ARHGAP32: variants seen among roughly 807,000 people sequenced by gnomAD.
The protein encoded by ARHGAP32 is rho GTPase-activating protein 32.
A neutral mutation model predicts 186.5 loss-of-function variants in ARHGAP32; 51 were observed. The ratio of observed to expected loss-of-function variants is 0.27; its 90% CI spans 0.22 to 0.35. The LOEUF is 0.35. Ranked by LOEUF, ARHGAP32 falls within the 10% of genes least tolerant of loss-of-function variation. The pLI, the probability that ARHGAP32 is intolerant of heterozygous loss-of-function variation, is 1.00. For synonymous variants in ARHGAP32, 950 were observed against 964.3 expected (o/e 0.99, Z 0.27); for missense variants, 2,186 against 2,623.5 (o/e 0.83, Z 3.64).
At chr11:128,982,947 G>C (rs1243719217) in intron 15 of ARHGAP32, among the ~76,000 whole-genome samples, 1 of 149,152 alleles carries the variant, frequency 6.7e-6, no homozygotes, top group African/African-American at 2.5e-5. Flanking sequence ...GAAATATAAG[G>C]CTGTATTATA....
At chr11:129,239,235 T>G (rs560985328) in intron 1 of ARHGAP32, among the ~76,000 whole-genome samples, 9 of 152,346 alleles carry the variant, frequency 5.9e-5, no homozygotes, top group African/African-American at 1.7e-4. Context: ...GTCTTTCTAC[T>G]TCTAGTCTTT....
chr11:129,115,072 T>C (rs1046290110), intron 5 of ARHGAP32, among the ~76,000 whole-genome samples: 1 of 152,134 alleles, frequency 6.6e-6, no homozygotes, highest in African/African-American at 2.4e-5. Flanking sequence ...ATGGCTGCAA[T>C]TTCATGTGTC....
chr11:128,976,695 G>A (rs1182418493), intron 19 of ARHGAP32, 61 bp from the exon 20 acceptor site: 1 of 1,414,688 alleles, frequency 7.1e-7, no homozygotes, highest in Non-Finnish European at 1.0e-6. Flanking sequence ...TGGTTAATGG[G>A]ATCGGTGTTT....
Position 129,057,701 on chromosome 11 carries a change from TAAAAAAAA to T in ARHGAP32, c.963+4571_963+4578del, listed in dbSNP as rs34991638. 2.8e-4 allele frequency among the ~76,000 whole-genome samples: 37 copies of T among 130,226 alleles called. 1 individual carries two copies. The South Asian group carries it at 5.5e-3, about 20-fold the overall frequency. 85.4% of individuals were successfully genotyped at this position (130,226 alleles called of 152,430 possible). A position where few individuals can be genotyped will look rare whatever the true frequency, so the allele number is the denominator to read the frequency against. ...ATACTGTATTTTCAATAGCGTTTGA[TAAAAAAAA>T]AAAAAAAAAAATCTGTGTATTAGTG... On this transcript the variant is annotated intron_variant, in intron 10 of 22. Transcript: ENST00000682385.
chr11:129,271,821 G>A (rs1462943783), intron 1 of ARHGAP32, among the ~76,000 whole-genome samples: 1 of 152,110 alleles, frequency 6.6e-6, no homozygotes, highest in East Asian at 1.9e-4. Flanking sequence ...TACAAACATT[G>A]AACTGACCAC....
At chr11:129,113,664 CAT>C (rs984608651) in intron 5 of ARHGAP32, among the ~76,000 whole-genome samples, 6 of 152,046 alleles carry the variant, frequency 3.9e-5, no homozygotes, top group African/African-American at 1.4e-4. Flanking sequence ...TTAAAATTCA[CAT>C]ATGAGTGGAC....
intron 5 of ARHGAP32, among the ~76,000 whole-genome samples, chr11:129,103,674 A>G (rs1300654773): frequency 2.0e-5 from 3 of 152,232 alleles, no homozygotes; most frequent in South Asian, 2.1e-4. Flanking sequence ...CTCATGGTGG[A>G]AAAGTATAAA....
intron 1 of ARHGAP32, among the ~76,000 whole-genome samples, chr11:129,236,727 G>A (rs758751515): frequency 6.6e-5 from 10 of 152,054 alleles, no homozygotes; most frequent in East Asian, 1.9e-4. Flanking sequence ...CCTCTTTACC[G>A]ATTTGGATGC....
At chr11:129,231,185 C>T (rs536133089) in intron 1 of ARHGAP32, among the ~76,000 whole-genome samples, 1 of 152,232 alleles carries the variant, frequency 6.6e-6, no homozygotes, top group East Asian at 1.9e-4. Flanking sequence ...TTACATAGCA[C>T]ATACTTTGTG....
At chr11:129,045,017 G>C (rs1410643357) in intron 10 of ARHGAP32, among the ~76,000 whole-genome samples, 1 of 152,128 alleles carries the variant, frequency 6.6e-6, no homozygotes, top group East Asian at 1.9e-4. Flanking sequence ...AATGAATTAG[G>C]TTTAGGTATA....
chr11:129,219,655 AC>A (rs1944688438), intron 1 of ARHGAP32, among the ~76,000 whole-genome samples: 1 of 151,320 alleles, frequency 6.6e-6, no homozygotes, highest in African/African-American at 2.4e-5. Context: ...AATTTTTCAA[AC>A]TTTTCTCATT....
intron 6 of ARHGAP32, among the ~76,000 whole-genome samples, chr11:129,080,555 C>T (rs879490892): frequency 6.6e-6 from 1 of 151,944 alleles, no homozygotes; most frequent in Non-Finnish European, 1.5e-5. Context: ...TTGAACTGAA[C>T]GATAACAGAG....
At chr11:129,054,773 A>G (rs907549821) in intron 10 of ARHGAP32, among the ~76,000 whole-genome samples, 2 of 152,234 alleles carry the variant, frequency 1.3e-5, no homozygotes, top group African/African-American at 2.4e-5. Context: ...GAGAGATTCA[A>G]TATACTCCTT....
intron 5 of ARHGAP32, among the ~76,000 whole-genome samples, chr11:129,115,866 GTC>G (rs150151245): frequency 4.0e-5 from 6 of 151,710 alleles, no homozygotes; most frequent in East Asian, 1.9e-4. Context: ...CAGAGCAAAG[GTC>G]TCTCTCTCTC....
intron 5 of ARHGAP32, among the ~76,000 whole-genome samples, chr11:129,115,714 G>C (rs2135355950): frequency 1.3e-5 from 2 of 152,186 alleles, no homozygotes; most frequent in East Asian, 3.9e-4. Flanking sequence ...TGGGCTAAGG[G>C]ACTGAACTTA....
chr11:129,031,902 G>A (rs1258253433), intron 11 of ARHGAP32, among the ~76,000 whole-genome samples: 1 of 152,202 alleles, frequency 6.6e-6, no homozygotes, highest in Non-Finnish European at 1.5e-5. Context: ...GAGAGAAGCA[G>A]ACTGACTTCA....
At chr11:129,081,644 T>C (rs1164767128) in intron 6 of ARHGAP32, among the ~76,000 whole-genome samples, 2 of 151,940 alleles carry the variant, frequency 1.3e-5, no homozygotes, top group African/African-American at 2.4e-5. Context: ...CAGCAAACAT[T>C]ATACTGAACA....
Position 129,258,158 on chromosome 11 carries a change from G to A in ARHGAP32, c.-5+20988C>T, listed in dbSNP as rs1021099088. The stretch of plus-strand genomic sequence containing the variant: ...GCACTTTGTCAAATATATGTTCTAT[G>A]CTGTGCTATGGTTTGTTTTTTCTCT... On this transcript the variant is annotated intron_variant, in intron 1 of 6. Transcript: ENST00000525234. Among the ~76,000 whole-genome samples, 2 of 152,108 alleles carry A rather than the reference G, an allele frequency of 1.3e-5. 1 individual carries two copies. The highest frequency in any genetic ancestry group is 4.1e-4 in the South Asian group (2 of 4,826).
At chr11:129,109,279 T>TAC (rs1335831181) in intron 5 of ARHGAP32, among the ~76,000 whole-genome samples, 11 of 152,074 alleles carry the variant, frequency 7.2e-5, no homozygotes, top group Non-Finnish European at 1.0e-4. Context: ...TATATATATA[T>TAC]ACCATACTTT....
Sources: allele counts gnomAD v4.1 joint callset (sites outside exome capture counted in the v4.1 genomes callset), GRCh38; gene constraint gnomAD v4.1.1; transcripts MANE v1.5; gene names NCBI Gene and HGNC (gene_info 2026-07-23, HGNC 2026-07-21).